Variants in CACNA1A observed in about 807,000 individuals in gnomAD.
CACNA1A encodes the protein calcium voltage-gated channel subunit alpha1 A.
Under a neutral mutation model 262.4 loss-of-function variants are expected in CACNA1A, and 57 were observed. The ratio of observed to expected loss-of-function variants is 0.22; its 90% CI spans 0.18 to 0.27. The LOEUF is 0.27. Among genes scored for constraint, CACNA1A ranks in the 10% least tolerant of loss-of-function variants. CACNA1A has a pLI of 1.00. For missense variants in CACNA1A, 2,526 were observed against 3,562.8 expected (o/e 0.71, Z 7.41); for synonymous variants, 1,431 against 1,419.3 (o/e 1.01, Z -0.18).
At chr19:13,440,096 A>G (rs1301459186) in intron 3 of CACNA1A, among the ~76,000 whole-genome samples, 1 of 152,050 alleles carries the variant, frequency 6.6e-6, no homozygotes, top group Non-Finnish European at 1.5e-5. Flanking sequence ...AGTAGCGGGG[A>G]CTACAAGCCT....
At position 13,459,939 on chromosome 19, in the gene CACNA1A, C is replaced by T. The variant is rs534270493; in HGVS notation, c.294-4727G>A. ...CAGACCCAGGGCTCTCTGGGTATGG[C>T]AATAAAACCTTAGCACGTAGGCAAA... On this transcript the variant is annotated intron_variant, in intron 1 of 46. Transcript: ENST00000360228. Among the ~76,000 whole-genome samples, 7 of 152,162 alleles carry T rather than the reference C, an allele frequency of 4.6e-5. No individual in the cohort carries two copies. In the South Asian group the frequency reaches 1.5e-3, roughly 32 times the overall value.
chr19:13,368,757 G>GAT (rs1158521241), intron 4 of CACNA1A, among the ~76,000 whole-genome samples: 13 of 129,302 alleles, frequency 1.0e-4, no homozygotes, highest in African/African-American at 5.7e-4. Flanking sequence ...TGTGGGTGCT[G>GAT]GCCGGGCGCG....
Position 13,484,644 on chromosome 19 carries a change from A to C in CACNA1A, c.293+21288T>G, listed in dbSNP as rs1349229330. On this transcript the variant is annotated intron_variant, in intron 1 of 46. Transcript: ENST00000360228. ...TATTCCAATACATTCTCCATGCAGC[A>C]ACCAGTGGAACTATTCACAGACATA... is the stretch of plus-strand genomic sequence containing the variant. Among the ~76,000 whole-genome samples the C allele has an allele frequency of 2.0e-5, 3 of 152,346 alleles. No individual in the cohort carries two copies. In the East Asian group the frequency reaches 5.8e-4, roughly 29 times the overall value.
At chr19:13,489,003 CTTTTTTTTTTT>C (rs896790084) in intron 1 of CACNA1A, among the ~76,000 whole-genome samples, 4 of 75,226 alleles carry the variant, frequency 5.3e-5, no homozygotes, top group African/African-American at 2.9e-4. Flanking sequence ...CTTTTCTTTT[CTTTTTTTTTTT>C]TTTTTTTTTT....
chr19:13,287,059 A>G (rs1023531504), intron 19 of CACNA1A, 93 bp from the exon 20 acceptor site: 10 of 1,122,744 alleles, frequency 8.9e-6, no homozygotes, highest in Non-Finnish European at 1.3e-5. Flanking sequence ...ATCTTTCAAG[A>G]GTACAATTTG....
intron 1 of CACNA1A, among the ~76,000 whole-genome samples, chr19:13,490,017 C>T (rs985358030): frequency 4.6e-5 from 7 of 152,144 alleles, no homozygotes; most frequent in African/African-American, 1.7e-4. Flanking sequence ...ATCAGCCACA[C>T]CAGGGCGGGG....
At chr19:13,503,047 T>G (rs1982574141) in intron 1 of CACNA1A, among the ~76,000 whole-genome samples, 1 of 151,998 alleles carries the variant, frequency 6.6e-6, no homozygotes, top group Admixed American at 6.6e-5. Flanking sequence ...CACTCCTATC[T>G]AAGAGAACTG....
At chr19:13,473,428 G>T (rs147355716) in intron 1 of CACNA1A, among the ~76,000 whole-genome samples, 1 of 152,122 alleles carries the variant, frequency 6.6e-6, no homozygotes, top group Non-Finnish European at 1.5e-5. Flanking sequence ...CTCTAGAGCC[G>T]TCCAAGGGAG....
rs200355966 is a variant in CACNA1A, at chr19:13,300,571, G to C, written c.2258C>G (p.Ala753Gly). Residue 753 changes from alanine (A) to glycine (G), a missense_variant, in exon 18 of 47, where the codon GCG becomes GGG. Physicochemically the swap from Ala to Gly is moderately conservative, Grantham distance 60. Transcript: ENST00000360228. Reference sequence around the variant, plus strand: ...TTACACAGCTATAGACATGTTGGCCGCGGACAGAGGACTCACTTCTGCCAC... The same window carrying C: ...TTACACAGCTATAGACATGTTGGCCCCGGACAGAGGACTCACTTCTGCCAC... ...KEVAEVSPLS[A>G]ANMSIAVKEQ... 8.7e-6 allele frequency: 14 copies of C among 1,613,284 alleles called. No individual in the cohort carries two copies. The highest frequency in any genetic ancestry group is 1.2e-5 in the Non-Finnish European group (14 of 1,179,258).
rs958241770 is a variant in CACNA1A at position 13,241,686 on chromosome 19, A to G, written c.4950+3496T>C. Reference sequence around the variant, plus strand: ...GGTGGTGGTGGCGGTGGGTTGGGAGATAAGTCATTGGTGTATGAACACACA... The same window carrying G: ...GGTGGTGGTGGCGGTGGGTTGGGAGGTAAGTCATTGGTGTATGAACACACA... On this transcript the variant is annotated intron_variant, in intron 31 of 46. Transcript: ENST00000360228. This position sits in a 1 kb window ranked among gnomAD's most constrained non-coding sequence, Gnocchi z 4.0. 1.8e-4 allele frequency among the ~76,000 whole-genome samples: 27 copies of G among 152,024 alleles called. No individual in the cohort carries two copies. The highest frequency in any genetic ancestry group is 6.0e-4 in the African/African-American group (25 of 41,374).
chr19:13,247,260 G>A (rs935558950), intron 30 of CACNA1A, among the ~76,000 whole-genome samples: 3 of 152,244 alleles, frequency 2.0e-5, no homozygotes, highest in African/African-American at 4.8e-5. Context: ...CCTCCTAGGC[G>A]AAGTGCCTGG....
chr19:13,207,534 A>T lies in CACNA1A; in HGVS notation c.7300T>A (p.Tyr2434Asn). 1 of 1,442,418 alleles carries T rather than the reference A, an allele frequency of 6.9e-7. No homozygotes were observed. The highest frequency in any genetic ancestry group is 9.1e-7 in the Non-Finnish European group (1 of 1,098,628). 89.4% of individuals were successfully genotyped at this position (1,442,418 alleles called of 1,614,324 possible). The change falls in exon 47 of 47, where the codon TAC becomes AAC. Residue 2434 changes from tyrosine to asparagine, a missense_variant. Transcript: ENST00000360228. The surrounding 1 kb of genome is among the most constrained non-coding windows in gnomAD (Gnocchi z 5.7). ...TGTCGTACGGGGGGTGGCGCGTCGT[A>T]GGCCCCGGCCATGGCCTCCTCGCCG... ...GGGEEAMAGA[Y>N]DAPPPVRHAS...
At chr19:13,499,251 A>G (rs190110557) in intron 1 of CACNA1A, among the ~76,000 whole-genome samples, 1 of 152,186 alleles carries the variant, frequency 6.6e-6, no homozygotes, top group East Asian at 1.9e-4. Flanking sequence ...ACCCACAGAG[A>G]GAGGGAGGGA....
chr19:13,279,597 T>C (rs889857454), intron 22 of CACNA1A, among the ~76,000 whole-genome samples: 1 of 152,116 alleles, frequency 6.6e-6, no homozygotes, highest in African/African-American at 2.4e-5. Flanking sequence ...GCAATTCTTC[T>C]GCCTCAGCCT....
At chr19:13,288,973 A>G (rs537715698) in intron 19 of CACNA1A, among the ~76,000 whole-genome samples, 2 of 152,234 alleles carry the variant, frequency 1.3e-5, no homozygotes, top group East Asian at 1.9e-4. Flanking sequence ...GGATGCTTCT[A>G]TGAATACTTC....
chr19:13,335,986 A>C (rs2058558906), intron 6 of CACNA1A, 77 bp from the exon 7 acceptor site: 1 of 822,148 alleles, frequency 1.2e-6, no homozygotes, highest in Non-Finnish European at 2.0e-6. Flanking sequence ...GGGAAGGGGA[A>C]GCTCGGTTCT....
intron 34 of CACNA1A, among the ~76,000 whole-genome samples, chr19:13,234,451 G>A (rs2055796001): frequency 6.7e-6 from 1 of 149,706 alleles, no homozygotes. Context: ...AAAGAATCAA[G>A]CCTCACGGTC....
At chr19:13,217,369 T>C (rs1286643874) in intron 38 of CACNA1A, among the ~76,000 whole-genome samples, 4 of 152,150 alleles carry the variant, frequency 2.6e-5, no homozygotes, top group African/African-American at 9.7e-5. Flanking sequence ...TGCAGCCCCT[T>C]AGCCTGCTGG....
At chr19:13,324,239 G>C (rs994018866) in intron 10 of CACNA1A, among the ~76,000 whole-genome samples, 5 of 152,182 alleles carry the variant, frequency 3.3e-5, no homozygotes, top group African/African-American at 1.2e-4. Context: ...TGCAGGGGAG[G>C]AGGAGGGATT....
Sources: gnomAD v4.1 joint callset for allele counts (sites outside exome capture counted in the v4.1 genomes callset) on GRCh38, gnomAD v4.1.1 for gene constraint, Gnocchi (gnomAD v3.1) non-coding constraint, MANE v1.5 for transcripts, NCBI Gene and HGNC (gene_info 2026-07-23, HGNC 2026-07-21) for gene names.